Variants in CTBP2 observed in about 807,000 individuals in gnomAD.
CTBP2 encodes the protein C-terminal binding protein 2.
CTBP2 carries 30 observed loss-of-function variants against 80.3 expected under a neutral mutation model. The observed-to-expected ratio is 0.37, with a 90% CI of 0.28 to 0.51. CTBP2 has a LOEUF of 0.51. CTBP2 is among the 20% of genes least tolerant of loss of function. The probability of loss-of-function intolerance (pLI) is 0.93; values close to 1 mark genes in which losing one functional copy is unlikely to be tolerated. For missense variants in CTBP2, 1,212 were observed against 1,375.3 expected, an observed-to-expected ratio of 0.88 and a Z score of 1.88; for synonymous variants, 594 against 587.4, an observed-to-expected ratio of 1.01 and a Z score of -0.16.
intron 3 of CTBP2, among the ~76,000 whole-genome samples, chr10:125,037,168 AG>A (rs1395986244): frequency 6.6e-6 from 1 of 152,208 alleles, no homozygotes; most frequent in Non-Finnish European, 1.5e-5. Flanking sequence ...TTACACATGA[AG>A]GGGGTGGGAA....
At chr10:125,030,880 T>A (rs1958107441), upstream of CTBP2, among the ~76,000 whole-genome samples, 1 of 152,110 alleles carries the variant, frequency 6.6e-6, no homozygotes, top group African/African-American at 2.4e-5. Context: ...TGGGCTTCCA[T>A]TCCCTGATCC....
At chr10:125,010,719 G>A (rs1359628085) in intron 1 of CTBP2, among the ~76,000 whole-genome samples, 1 of 152,194 alleles carries the variant, frequency 6.6e-6, no homozygotes, top group East Asian at 1.9e-4. Context: ...GGCACTGGAA[G>A]ACAGCATGAG....
chr10:125,002,829 A>T, intron 3 of CTBP2, 131 bp downstream of exon 5: 1 of 1,127,820 alleles, frequency 8.9e-7, no homozygotes. Context: ...CCCGGCCTGG[A>T]GGCAGCCACC....
Position 125,160,513 on chromosome 10 carries a change from C to G in CTBP2, c.-400G>C, listed in dbSNP as rs1861762196. 1.3e-5 allele frequency: 2 copies of G among 151,174 alleles called. 1 individual carries two copies. The highest frequency in any genetic ancestry group is 3.9e-4 in the South Asian group (2 of 5,098). 9.4% of individuals were successfully genotyped at this position (151,174 alleles called of 1,614,324 possible). ...GCCGCCGGCTCCTCCGGGCCGCTCCCGAGCCACCTTAAAATGACACACGCA... is the reference window on the plus strand; with the variant it reads ...GCCGCCGGCTCCTCCGGGCCGCTCCGGAGCCACCTTAAAATGACACACGCA... On this transcript the variant is annotated 5_prime_UTR_variant, in exon 1 of 11. Transcript: ENST00000337195.
chr10:125,140,139 AG>A (rs1232103074), intron 1 of CTBP2, among the ~76,000 whole-genome samples: 1 of 152,032 alleles, frequency 6.6e-6, no homozygotes, highest in Non-Finnish European at 1.5e-5. Flanking sequence ...ATGTCTTTGG[AG>A]GGTATGTTTC....
chr10:125,068,946 C>A (rs1845045587), intron 2 of CTBP2, among the ~76,000 whole-genome samples: 1 of 152,186 alleles, frequency 6.6e-6, no homozygotes. Context: ...TGACACGCGA[C>A]CTTAGACAAC....
At chr10:125,139,111 C>T (rs981424493) in intron 1 of CTBP2, among the ~76,000 whole-genome samples, 3 of 152,180 alleles carry the variant, frequency 2.0e-5, no homozygotes, top group Non-Finnish European at 2.9e-5. Flanking sequence ...GTGGCTCACG[C>T]CTGTAATCCC....
chr10:125,067,317 C>T (rs756482167), intron 2 of CTBP2, among the ~76,000 whole-genome samples: 5 of 152,068 alleles, frequency 3.3e-5, no homozygotes, highest in Admixed American at 1.3e-4. Context: ...CAGTGACATA[C>T]AAGGTGAAAA....
chr10:124,995,835 C>A (rs915227858), intron 4 of CTBP2, among the ~76,000 whole-genome samples: 1 of 152,222 alleles, frequency 6.6e-6, no homozygotes. Context: ...AAACTGAGGA[C>A]CCCAGCATGC....
intron 2 of CTBP2, among the ~76,000 whole-genome samples, chr10:125,078,195 G>T (rs1023431139): frequency 6.6e-6 from 1 of 151,002 alleles, no homozygotes; most frequent in African/African-American, 2.4e-5. Context: ...CAGGAGAATG[G>T]CATGAACCTG....
chr10:125,114,319 A>G (rs951332632), intron 1 of CTBP2, among the ~76,000 whole-genome samples: 1 of 152,068 alleles, frequency 6.6e-6, no homozygotes, highest in African/African-American at 2.4e-5. Flanking sequence ...TGAACTTATT[A>G]AACATCCCGC....
chr10:125,149,084 G>C (rs1176245710), intron 1 of CTBP2, among the ~76,000 whole-genome samples: 1 of 152,152 alleles, frequency 6.6e-6, no homozygotes, highest in African/African-American at 2.4e-5. Context: ...CAGCTCAGTG[G>C]ATCTTCTGCC....
rs560220559 is a variant in CTBP2, at chr10:125,011,442, C to A, written c.1679-7950G>T. Among the ~76,000 whole-genome samples the A allele has an allele frequency of 2.0e-5, 3 of 152,328 alleles. No individual in the cohort carries two copies. In the East Asian group the frequency reaches 5.8e-4, roughly 29 times the overall value. The stretch of plus-strand genomic sequence containing the variant: ...GTACCCCTGTCTTTATCCAGCCAGT[C>A]AGGTGCAGTCTGATGCTCCCCAGAG... On this transcript the variant is annotated intron_variant, in intron 1 of 8. Transcript: ENST00000309035.
chr10:125,106,035 G>A (rs1851397204), intron 2 of CTBP2, among the ~76,000 whole-genome samples: 1 of 152,178 alleles, frequency 6.6e-6, no homozygotes, highest in Non-Finnish European at 1.5e-5. Context: ...AGAGAAATCA[G>A]CCGCTGACCC....
chr10:125,014,072 G>T (rs543856587), intron 1 of CTBP2, among the ~76,000 whole-genome samples: 1 of 152,128 alleles, frequency 6.6e-6, no homozygotes, highest in African/African-American at 2.4e-5. Flanking sequence ...TAAAAGAGAC[G>T]TCATCATGGT....
chr10:124,992,740 A>G lies in CTBP2; in HGVS notation c.2732T>C (p.Ile911Thr). 4 of 1,609,170 alleles carry G rather than the reference A, an allele frequency of 2.5e-6. No individual in the cohort carries two copies. The highest frequency in any genetic ancestry group is 1.1e-5 in the South Asian group (1 of 90,182). The change falls in exon 8 of 9, where the codon ATA becomes ACA. Residue 911 changes from isoleucine (I) to threonine (T), a missense_variant. Ile to Thr is a moderately conservative substitution (Grantham distance 89). This residue lies in a region of CTBP2 where 335 missense variants were observed against 504.7 expected (regional missense o/e 0.66). Coordinates refer to ENST00000309035, the MANE Select transcript of CTBP2 (RefSeq NM_022802.3). ...CTCAGGATGAATTGCTTGCTGGTCT[A>G]TTACTGACCAAGGCGCTGATGTGAC...
intron 1 of CTBP2, 27 bp from the exon 4 acceptor site, chr10:125,003,519 G>T (rs757901384): frequency 2.0e-6 from 3 of 1,516,794 alleles, no homozygotes; most frequent in South Asian, 2.7e-5. Flanking sequence ...GGTGAGCACA[G>T]TGGGTGGGTG....
intron 1 of CTBP2, among the ~76,000 whole-genome samples, chr10:125,153,404 A>C (rs1340826774): frequency 1.3e-5 from 2 of 152,222 alleles, no homozygotes; most frequent in Admixed American, 6.5e-5. Context: ...CAAGCAGCGG[A>C]TAAGCCGACT....
intron 2 of CTBP2, among the ~76,000 whole-genome samples, chr10:125,110,186 G>T (rs1852066161): frequency 6.6e-6 from 1 of 152,220 alleles, no homozygotes; most frequent in South Asian, 2.1e-4. Context: ...AGAGAGACAG[G>T]ACACAATTGG....
Sources: allele counts gnomAD v4.1 joint callset (sites outside exome capture counted in the v4.1 genomes callset), GRCh38; gene constraint gnomAD v4.1.1; regional missense constraint gnomAD v4.1.1; transcripts MANE v1.5; gene names NCBI Gene and HGNC (gene_info 2026-07-23, HGNC 2026-07-21).